Variants in NCOA7 observed in about 807,000 individuals in gnomAD.
NCOA7 encodes 140 kDa estrogen receptor-associated protein.
A neutral mutation model predicts 104.3 loss-of-function variants in NCOA7; 45 were observed. The observed-to-expected ratio is 0.43, with a 90% CI of 0.34 to 0.55. The LOEUF is 0.55. NCOA7 is among the 20% of genes least tolerant of loss of function. The pLI is 0.02. For missense variants in NCOA7, 1,041 were observed against 1,119.7 expected (o/e 0.93, Z 1.00); for synonymous variants, 398 against 402.3 (o/e 0.99, Z 0.13).
At chr6:125,927,232 T>C (rs935094520) in intron 13 of NCOA7, among the ~76,000 whole-genome samples, 6 of 152,210 alleles carry the variant, frequency 3.9e-5, no homozygotes, top group African/African-American at 1.4e-4. Flanking sequence ...CAGCCATGAC[T>C]CCACTTATAA....
At chr6:125,898,961 A>G (rs565191527) in intron 10 of NCOA7, among the ~76,000 whole-genome samples, 1 of 152,320 alleles carries the variant, frequency 6.6e-6, no homozygotes, top group African/African-American at 2.4e-5. Context: ...TTTTATCTGT[A>G]TAGCCTTTTA....
At chr6:125,858,206 A>AGT (rs1781745530) in intron 3 of NCOA7, among the ~76,000 whole-genome samples, 1 of 152,090 alleles carries the variant, frequency 6.6e-6, no homozygotes, top group Non-Finnish European at 1.5e-5. Context: ...GTGCTCTTTA[A>AGT]GTGTGCATTG....
chr6:125,817,216 A>G (rs1777673633), intron 2 of NCOA7, among the ~76,000 whole-genome samples: 1 of 152,244 alleles, frequency 6.6e-6, no homozygotes, highest in South Asian at 2.1e-4. Context: ...AAGATGCTAG[A>G]TGCTACAATC....
Position 125,890,675 on chromosome 6 carries a change from C to T in NCOA7, c.1961C>T (p.Thr654Ile). ...ILPSKEEKSKTPPMFLCIKVG... is the reference protein window; with the variant it reads ...ILPSKEEKSKIPPMFLCIKVG... ...CCTTCAAAAGAAGAAAAAAGCAAGA[C>T]CCCACCCATGTTCCTGTGCATCAAA... The change falls in exon 10 of 16, where the codon ACC becomes ATC. Residue 654 changes from threonine (T) to isoleucine (I), a missense_variant. Around this residue, in one of 2 missense-constraint regions of NCOA7, gnomAD observed 914 missense variants for 942.7 expected, o/e 0.97. Transcript: ENST00000392477. 6.2e-7 allele frequency: 1 copy of T among 1,613,188 alleles called. No homozygotes were observed. The highest frequency in any genetic ancestry group is 1.1e-5 in the South Asian group (1 of 90,960).
intron 2 of NCOA7, among the ~76,000 whole-genome samples, chr6:125,846,773 C>T (rs1780657159): frequency 6.6e-6 from 1 of 152,358 alleles, no homozygotes; most frequent in South Asian, 2.1e-4. Context: ...CGCTCCACAA[C>T]TAAACTGTGC....
At chr6:125,892,647 C>T (rs1784711851) in intron 10 of NCOA7, among the ~76,000 whole-genome samples, 2 of 152,094 alleles carry the variant, frequency 1.3e-5, no homozygotes, top group Admixed American at 1.3e-4. Context: ...GCACTCCAGC[C>T]TGGGCGACAG....
chr6:125,915,628 TG>T (rs1006759814), intron 11 of NCOA7, 148 bp downstream of exon 11: 2 of 977,934 alleles, frequency 2.0e-6, no homozygotes, highest in African/African-American at 3.3e-5. Context: ...TTCCTCCGTT[TG>T]AAAAAAAACA....
At chr6:125,924,841 T>A (rs1377689441) in intron 13 of NCOA7, among the ~76,000 whole-genome samples, 1 of 152,190 alleles carries the variant, frequency 6.6e-6, no homozygotes, top group Non-Finnish European at 1.5e-5. Context: ...TTCCCACAGC[T>A]GCCAGTCAAG....
At chr6:125,791,280 A>G (rs1774827318) in intron 1 of NCOA7, among the ~76,000 whole-genome samples, 1 of 152,162 alleles carries the variant, frequency 6.6e-6, no homozygotes, top group Non-Finnish European at 1.5e-5. Context: ...CGAAGGAGAG[A>G]TTGACCCTTC....
Position 125,921,149 on chromosome 6 carries a change from C to G in NCOA7, c.2370+81C>G. The G allele has an allele frequency of 2.0e-6, 3 of 1,521,726 alleles. No homozygotes were observed. The African/African-American group carries it at 4.1e-5, about 21-fold the overall frequency. The allele number at this position is 1,521,726 out of a possible 1,614,324, so 94.3% of individuals were successfully genotyped here. A position where few individuals can be genotyped will look rare whatever the true frequency, so the allele number is the denominator to read the frequency against. On this transcript the variant is annotated intron_variant, in intron 12 of 15. Transcript: ENST00000392477. ...CCTTGGCCAGGTACAGTGGCTCATG[C>G]CTGTAATCCTCACACTTTGGGAGGC...
intron 2 of NCOA7, among the ~76,000 whole-genome samples, chr6:125,845,643 G>T (rs1237106246): frequency 6.6e-6 from 1 of 152,140 alleles, no homozygotes; most frequent in Non-Finnish European, 1.5e-5. Flanking sequence ...GCATGGTGGT[G>T]CTGCATGCCT....
At chr6:125,829,255 T>A (rs1017892152) in intron 2 of NCOA7, among the ~76,000 whole-genome samples, 1 of 152,170 alleles carries the variant, frequency 6.6e-6, no homozygotes, top group African/African-American at 2.4e-5. Flanking sequence ...CCTGTTTCAA[T>A]TTTTTTAGTA....
At chr6:125,813,087 C>T (rs779505226) in intron 1 of NCOA7, among the ~76,000 whole-genome samples, 2 of 152,236 alleles carry the variant, frequency 1.3e-5, no homozygotes, top group Non-Finnish European at 2.9e-5. Flanking sequence ...GATTATGCTA[C>T]ACTCCCTCAT....
At chr6:125,880,107 T>G (rs1013862985) in intron 5 of NCOA7, among the ~76,000 whole-genome samples, 1 of 152,202 alleles carries the variant, frequency 6.6e-6, no homozygotes, top group East Asian at 1.9e-4. Flanking sequence ...AGAACCAGAA[T>G]GTTTTGCAGA....
At position 125,889,518 on chromosome 6, in the gene NCOA7, G is replaced by T. The variant is rs368223793; in HGVS notation, c.1464G>T (p.Glu488Asp). The T allele has an allele frequency of 1.1e-5, 18 of 1,614,016 alleles. No individual in the cohort carries two copies. Among genetic ancestry groups the T allele is most frequent in the Non-Finnish European group, 1.4e-5 (16 of 1,180,018 alleles). ...GGGCGCTAGATTTAGAAACCTGTGAGAAGCAAGATATAATGCCAGAAGTGG... is the reference window on the plus strand; with the variant it reads ...GGGCGCTAGATTTAGAAACCTGTGATAAGCAAGATATAATGCCAGAAGTGG... ...LKGALDLETCEKQDIMPEVDK... is the reference protein window; with the variant it reads ...LKGALDLETCDKQDIMPEVDK... Residue 488 changes from glutamate to aspartate, a missense_variant, in exon 9 of 16, where the codon GAG (glutamate) becomes GAT (aspartate). Glu to Asp is a conservative substitution (Grantham distance 45, BLOSUM62 2). Around this residue, in one of 2 missense-constraint regions of NCOA7, gnomAD observed 914 missense variants for 942.7 expected, o/e 0.97. Transcript: ENST00000392477.
In NCOA7 at chr6:125,874,888, G is replaced by C; in HGVS notation, c.272-1G>C. On this transcript the variant is annotated splice_acceptor_variant, in intron 3 of 15. Coordinates refer to ENST00000392477, the MANE Select transcript of NCOA7 (RefSeq NM_181782.5). LOFTEE classifies it high-confidence loss of function. Reference sequence around the variant, plus strand: ...TCATTTACATACAATTTATTCTTCAGATGACAATCAAAACAAAACACATGA... The same window carrying C: ...TCATTTACATACAATTTATTCTTCACATGACAATCAAAACAAAACACATGA... 1 of 1,610,438 alleles carries C rather than the reference G, an allele frequency of 6.2e-7. No homozygotes were observed.
At chr6:125,827,939 A>G (rs918156904) in intron 2 of NCOA7, among the ~76,000 whole-genome samples, 3 of 152,254 alleles carry the variant, frequency 2.0e-5, no homozygotes, top group Admixed American at 1.3e-4. Context: ...TGGGAAAACT[A>G]GAAAAACAAC....
chr6:125,859,942 G>T (rs911010620), intron 3 of NCOA7, among the ~76,000 whole-genome samples: 3 of 152,130 alleles, frequency 2.0e-5, no homozygotes, highest in Admixed American at 2.0e-4. Flanking sequence ...TAACAACATG[G>T]TGCTAATTCT....
intron 2 of NCOA7, among the ~76,000 whole-genome samples, chr6:125,851,560 A>G (rs1431786818): frequency 1.3e-5 from 2 of 152,246 alleles, no homozygotes; most frequent in Admixed American, 1.3e-4. Flanking sequence ...CAATAAACTT[A>G]CACATGCAGG....
Sources: allele counts gnomAD v4.1 joint callset (sites outside exome capture counted in the v4.1 genomes callset), GRCh38; gene constraint gnomAD v4.1.1; regional missense constraint gnomAD v4.1.1; transcripts MANE v1.5; gene names NCBI Gene and HGNC (gene_info 2026-07-23, HGNC 2026-07-21).